Variants in SCRIB observed in about 807,000 individuals in gnomAD.
The protein encoded by SCRIB is scribble planar cell polarity protein.
In SCRIB, 72 loss-of-function variants were observed where a neutral mutation model predicts 170.0. That is an observed-to-expected ratio of 0.42 (90% CI 0.35 to 0.52). SCRIB has a LOEUF of 0.52. SCRIB is among the 20% of genes least tolerant of loss of function. The probability of loss-of-function intolerance (pLI) is 0.02; values close to 1 mark genes in which losing one functional copy is unlikely to be tolerated. For missense variants in SCRIB, 2,475 were observed against 2,338.5 expected (o/e 1.06, Z -1.20); for synonymous variants, 1,298 against 1,044.3 (o/e 1.24, Z -4.68).
At chr8:143,803,271 C>T (rs1489982432) in intron 24 of SCRIB, 112 bp downstream of exon 24, 9 of 1,074,752 alleles carry the variant, frequency 8.4e-6, no homozygotes, top group African/African-American at 3.2e-5. Flanking sequence ...CAGAGCACCG[C>T]CCAGACCCAG....
chr8:143,797,521 C>T (rs1160112117), intron 24 of SCRIB, among the ~76,000 whole-genome samples: 3 of 152,200 alleles, frequency 2.0e-5, no homozygotes, highest in African/African-American at 7.2e-5. Context: ...TCTCAAAGCA[C>T]CTTCCTCACT....
At position 143,810,521 on chromosome 8, in the gene SCRIB, G is replaced by C; in HGVS notation, c.1488C>G (p.Cys496Trp). 6.2e-7 allele frequency: 1 copy of C among 1,612,536 alleles called. No homozygotes were observed. Among genetic ancestry groups the C allele is most frequent in the South Asian group, 1.1e-5 (1 of 91,080 alleles). Residue 496 changes from cysteine to tryptophan, a missense_variant, in exon 13 of 37, where the codon TGC becomes TGG. Cys to Trp is a radical substitution (Grantham distance 215). Coordinates refer to ENST00000356994, the MANE Select transcript of SCRIB (RefSeq NM_182706.5). ...RSIEGRRSEA[C>W]PCQPDSGSPL... ...GCGACCCAGAGTCTGGCTGGCAAGG[G>C]CAGGCCTCGCTCCGCCGCCCCTCGA...
In SCRIB at chr8:143,809,656, G is replaced by A; in HGVS notation, c.1593C>T (p.Val531=). The change falls in exon 14 of 37, where the codon GTC becomes GTT. Residue 531 remains valine (V), a synonymous_variant. Transcript: ENST00000356994. Reference sequence around the variant, plus strand: ...ACGGGCCCTCGGGCTCAGCCTCAGAGACTGTGCTGGCAGATGGGCGAGAGT... The same window carrying A: ...ACGGGCCCTCGGGCTCAGCCTCAGAAACTGTGCTGGCAGATGGGCGAGAGT... ...SEDSRPSAST[V]SEAEPEGPSA... The A allele has an allele frequency of 6.2e-7, 1 of 1,611,434 alleles. No homozygotes were observed. Among genetic ancestry groups the A allele is most frequent in the East Asian group, 2.2e-5 (1 of 44,866 alleles).
At chr8:143,814,712 A>C (rs1415668544) in intron 1 of SCRIB, 5 of 162,818 alleles carry the variant, frequency 3.1e-5, no homozygotes, top group African/African-American at 1.2e-4. Flanking sequence ...TGCTTTCTCC[A>C]GCCTCCTTTC....
intron 9 of SCRIB, 55 bp downstream of exon 9, chr8:143,812,211 C>A (rs1815764912): frequency 8.5e-7 from 1 of 1,175,450 alleles, no homozygotes; most frequent in Non-Finnish European, 1.3e-6. Flanking sequence ...ATGCCCTGTC[C>A]TTGTTCTGCA....
intron 27 of SCRIB, 50 bp from the exon 28 acceptor site, chr8:143,794,012 C>G (rs1814829567): frequency 1.3e-6 from 2 of 1,582,020 alleles, no homozygotes; most frequent in Non-Finnish European, 1.7e-6. Context: ...GCTGTGGCCC[C>G]CGACCAGGAG....
At chr8:143,799,258 G>A (rs1322719916) in intron 24 of SCRIB, among the ~76,000 whole-genome samples, 1 of 152,254 alleles carries the variant, frequency 6.6e-6, no homozygotes, top group African/African-American at 2.4e-5. Flanking sequence ...CAGAGGGAAA[G>A]ACTGAAGGAT....
At position 143,800,190 on chromosome 8, in the gene SCRIB, G is replaced by C. The variant is rs149165507; in HGVS notation, c.3603+3193C>G. Reference sequence around the variant, plus strand: ...TGAGACCCCAGCTCCTCTCTCTCAAGCCCCAAGCCCGCTGATGAAACCTCC... The same window carrying C: ...TGAGACCCCAGCTCCTCTCTCTCAACCCCCAAGCCCGCTGATGAAACCTCC... On this transcript the variant is annotated intron_variant, in intron 24 of 36. Coordinates refer to ENST00000356994, the MANE Select transcript of SCRIB (RefSeq NM_182706.5). Among the ~76,000 whole-genome samples the C allele has an allele frequency of 2.6e-3, 398 of 152,252 alleles. 1 individual carries two copies. Among genetic ancestry groups the C allele is most frequent in the Non-Finnish European group, 4.0e-3 (274 of 68,014 alleles).
intron 1 of SCRIB, chr8:143,814,883 C>T (rs2130172752): frequency 3.1e-6 from 1 of 320,866 alleles, no homozygotes; most frequent in East Asian, 5.5e-5. Flanking sequence ...TCCAGAGCGG[C>T]CCAAGAAGCT....
chr8:143,792,369 G>A lies in SCRIB; in HGVS notation c.4365C>T (p.Gly1455=), dbSNP rs781830231. Residue 1455 remains glycine, a synonymous_variant, in exon 32 of 37, where the codon GGC becomes GGT. Coordinates refer to ENST00000356994, the MANE Select transcript of SCRIB (RefSeq NM_182706.5). ...CAGCTTTGGCCGTCCGCACCGGGGC[G>A]CCACCTCCCAGGGGTGGGGGGGACG... ...SPASPPPLGG[G]APVRTAKAER... The A allele has an allele frequency of 2.0e-5, 30 of 1,525,654 alleles. No individual in the cohort carries two copies. The highest frequency in any genetic ancestry group is 1.9e-4 in the Middle Eastern group (1 of 5,274). The allele number at this position is 1,525,654 out of a possible 1,614,324, so 94.5% of individuals were successfully genotyped here.
At chr8:143,807,141 G>A (rs1388930222) in intron 16 of SCRIB, 128 bp from the exon 17 acceptor site, 2 of 704,554 alleles carry the variant, frequency 2.8e-6, no homozygotes, top group African/African-American at 3.5e-5. Context: ...GGGGCCTCAT[G>A]CCACTCACCA....
At chr8:143,798,815 A>G (rs1036802760) in intron 24 of SCRIB, among the ~76,000 whole-genome samples, 1 of 151,962 alleles carries the variant, frequency 6.6e-6, no homozygotes, top group Non-Finnish European at 1.5e-5. Flanking sequence ...CGCCTGGCCC[A>G]TGGTTATAGG....
chr8:143,808,374 G>A (rs548212074), intron 15 of SCRIB, among the ~76,000 whole-genome samples: 1 of 148,946 alleles, frequency 6.7e-6, no homozygotes, highest in South Asian at 2.2e-4. Context: ...AGCATGGACT[G>A]AGACCAACGC....
At position 143,791,237 on chromosome 8, in the gene SCRIB, C is replaced by T. The variant is rs201742088; in HGVS notation, c.4894G>A (p.Glu1632Lys). ...GRPSPGAVGP[E>K]DVALCSSRRP... ...CGGCTGCTGCACAGTGCCACATCTT[C>T]AGGGCCCACAGCGCCGGGTGAGGGC... is the stretch of plus-strand genomic sequence containing the variant. Residue 1632 changes from glutamate (E) to lysine (K), a missense_variant, in exon 37 of 37, where the codon GAA (glutamate) becomes AAA (lysine). Physicochemically the swap from Glu to Lys is moderately conservative, Grantham distance 56. This residue lies in a region of SCRIB where 1,966 missense variants were observed against 1,742.9 expected (regional missense o/e 1.13). Coordinates refer to ENST00000356994, the MANE Select transcript of SCRIB (RefSeq NM_182706.5). 4 of 1,488,548 alleles carry T rather than the reference C, an allele frequency of 2.7e-6. No individual in the cohort carries two copies. Among genetic ancestry groups the T allele is most frequent in the Non-Finnish European group, 3.6e-6 (4 of 1,118,342 alleles). 92.2% of individuals were successfully genotyped at this position (1,488,548 alleles called of 1,614,324 possible). A position where few individuals can be genotyped will look rare whatever the true frequency, so the allele number is the denominator to read the frequency against.
intron 1 of SCRIB, chr8:143,814,957 C>G: frequency 2.0e-6 from 1 of 496,128 alleles, no homozygotes; most frequent in Non-Finnish European, 3.5e-6. Context: ...TGAATCCCCA[C>G]GGGTTTCACT....
In SCRIB at chr8:143,805,354, G is replaced by C; in HGVS notation, c.2428C>G (p.Arg810Gly). The C allele has an allele frequency of 6.4e-7, 1 of 1,551,806 alleles. No homozygotes were observed. The highest frequency in any genetic ancestry group is 8.7e-7 in the Non-Finnish European group (1 of 1,154,754). ...LRGAGTAVQM[R>G]VWRERMVEPE... is the part of the protein sequence containing the mutation. ...TCCACCATGCGCTCCCGCCACACTC[G>C]CATCTGCACGGCAGTGCCGGCCCCC... The change falls in exon 19 of 37, where the codon CGA becomes GGA. Residue 810 changes from arginine (R) to glycine (G), a missense_variant. This residue lies in a region of SCRIB where 1,966 missense variants were observed against 1,742.9 expected (regional missense o/e 1.13). Transcript: ENST00000356994.
In SCRIB at chr8:143,813,203, C is replaced by T. The variant is rs540043980; in HGVS notation, c.568-99G>A. 193 of 1,589,390 alleles carry T rather than the reference C, an allele frequency of 1.2e-4. No individual in the cohort carries two copies. In the African/African-American group the frequency reaches 2.0e-3, roughly 16 times the overall value. The stretch of plus-strand genomic sequence containing the variant: ...GCCCCCACACCCAGCTCCCACCCGC[C>T]TGCCCTCCCGAGGTGCCCCTTGCTG... On this transcript the variant is annotated intron_variant, in intron 6 of 36. Coordinates refer to ENST00000356994, the MANE Select transcript of SCRIB (RefSeq NM_182706.5).
chr8:143,804,011 AC>A lies in SCRIB; in HGVS notation c.3120+34del, dbSNP rs781938647. On this transcript the variant is annotated intron_variant, in intron 22 of 36. Transcript: ENST00000356994. ...CTGCGCTGGTACCTGGGATGGGTGC[AC>A]CTCTCACAGAACCGCCTGGATGGGC... The A allele has an allele frequency of 5.7e-6, 9 of 1,581,150 alleles. No homozygotes were observed. In the Admixed American group the frequency reaches 1.4e-4, roughly 25 times the overall value.
Position 143,811,138 on chromosome 8 carries a change from G to A in SCRIB, c.1106+8C>T. ...CGGTTAGGCCCGCAGGGCAAGGCTGGCACTCACCGGTTCCCCGCCACGTCC... is the reference window on the plus strand; with the variant it reads ...CGGTTAGGCCCGCAGGGCAAGGCTGACACTCACCGGTTCCCCGCCACGTCC... On this transcript the variant is annotated splice_region_variant and intron_variant, in intron 10 of 36. Coordinates refer to ENST00000356994, the MANE Select transcript of SCRIB (RefSeq NM_182706.5). 2.5e-6 allele frequency: 4 copies of A among 1,597,290 alleles called. No homozygotes were observed. In the African/African-American group the frequency reaches 4.0e-5, roughly 16 times the overall value.
Sources: gnomAD v4.1 joint callset for allele counts (sites outside exome capture counted in the v4.1 genomes callset) on GRCh38, gnomAD v4.1.1 for gene constraint, gnomAD v4.1.1 regional missense constraint, MANE v1.5 for transcripts, NCBI Gene and HGNC (gene_info 2026-07-23, HGNC 2026-07-21) for gene names.